The following TBC1D15 variants were observed in gnomAD, a reference collection of about 807,000 sequenced individuals.
TBC1D15 encodes the protein TBC1 domain family member 15, also known as GAP for RAB7.
A neutral mutation model predicts 95.4 loss-of-function variants in TBC1D15; 39 were observed. The ratio of observed to expected loss-of-function variants is 0.41; its 90% CI spans 0.32 to 0.53. The LOEUF is 0.53. Among genes scored for constraint, TBC1D15 ranks in the 20% least tolerant of loss-of-function variants. The pLI, the probability that TBC1D15 is intolerant of heterozygous loss-of-function variation, is 0.29. For synonymous variants in TBC1D15, 258 were observed against 261.3 expected (o/e 0.99, Z 0.12); for missense variants, 733 against 794.3 (o/e 0.92, Z 0.93).
At chr12:71,911,150 T>C (rs1456613812) in intron 11 of TBC1D15, among the ~76,000 whole-genome samples, 1 of 152,042 alleles carries the variant, frequency 6.6e-6, no homozygotes, top group Non-Finnish European at 1.5e-5. Context: ...TGTGGAGAAA[T>C]AGGAACACTT....
chr12:71,840,928 G>A (rs1314371741), intron 1 of TBC1D15, among the ~76,000 whole-genome samples: 2 of 152,100 alleles, frequency 1.3e-5, no homozygotes, highest in Non-Finnish European at 2.9e-5. Context: ...TGGAGGAGAT[G>A]CCAATCATTA....
At chr12:71,905,608 G>A (rs1566053106) in intron 10 of TBC1D15, among the ~76,000 whole-genome samples, 1 of 152,146 alleles carries the variant, frequency 6.6e-6, no homozygotes, top group African/African-American at 2.4e-5. Flanking sequence ...TTATAGGCAT[G>A]AGCCACTGTA....
chr12:71,846,598 C>T (rs1886320386), intron 1 of TBC1D15, among the ~76,000 whole-genome samples: 1 of 152,060 alleles, frequency 6.6e-6, no homozygotes, highest in South Asian at 2.1e-4. Context: ...CACCTGATTC[C>T]CAGCTAAGTG....
At chr12:71,840,230 G>GTGAA (rs1343965133) in intron 1 of TBC1D15, among the ~76,000 whole-genome samples, 2 of 152,266 alleles carry the variant, frequency 1.3e-5, no homozygotes, top group African/African-American at 4.8e-5. Flanking sequence ...CTACAGTTTG[G>GTGAA]TGAAGATGTT....
At chr12:71,913,580 C>T (rs1431535915) in intron 11 of TBC1D15, 6 of 366,224 alleles carry the variant, frequency 1.6e-5, no homozygotes, top group East Asian at 1.6e-4. Flanking sequence ...TGTATCTGCA[C>T]TGAGACACGT....
intron 1 of TBC1D15, among the ~76,000 whole-genome samples, chr12:71,868,205 G>A (rs1891885619): frequency 6.6e-6 from 1 of 150,980 alleles, no homozygotes; most frequent in African/African-American, 2.4e-5. Context: ...CTGAAGAGTT[G>A]AGGAACACAG....
At chr12:71,892,977 A>T (rs79229446) in intron 5 of TBC1D15, among the ~76,000 whole-genome samples, 1 of 151,666 alleles carries the variant, frequency 6.6e-6, no homozygotes, top group Non-Finnish European at 1.5e-5. Flanking sequence ...AATACACTTT[A>T]TATTTGTTTT....
intron 16 of TBC1D15, among the ~76,000 whole-genome samples, chr12:71,922,042 T>A (rs1289728844): frequency 6.6e-6 from 1 of 152,120 alleles, no homozygotes; most frequent in Non-Finnish European, 1.5e-5. Context: ...GTTTCCTGAG[T>A]AGCTGGGATT....
At chr12:71,870,246 CCCTTCTCCT>C (rs1592729477) in intron 1 of TBC1D15, among the ~76,000 whole-genome samples, 1 of 152,218 alleles carries the variant, frequency 6.6e-6, no homozygotes, top group East Asian at 1.9e-4. Context: ...TTTCCTCCTC[CCCTTCTCCT>C]CCTTCTCCTT....
At chr12:71,891,469 A>G (rs1171988494) in intron 5 of TBC1D15, among the ~76,000 whole-genome samples, 1 of 152,178 alleles carries the variant, frequency 6.6e-6, no homozygotes, top group Non-Finnish European at 1.5e-5. Flanking sequence ...ATATTTATAG[A>G]TTAAATCAGT....
At chr12:71,877,272 A>G (rs1310215517) in intron 3 of TBC1D15, among the ~76,000 whole-genome samples, 1 of 114,906 alleles carries the variant, frequency 8.7e-6, no homozygotes, top group African/African-American at 3.5e-5. Flanking sequence ...TTCTAGTTTT[A>G]TGTTCTGGTT....
chr12:71,899,084 C>T (rs1474013278), intron 10 of TBC1D15, among the ~76,000 whole-genome samples: 2 of 152,034 alleles, frequency 1.3e-5, no homozygotes, highest in Non-Finnish European at 2.9e-5. Flanking sequence ...ATAAAATATT[C>T]GAACTGGAAG....
At chr12:71,845,761 TG>T (rs1221635599) in intron 1 of TBC1D15, among the ~76,000 whole-genome samples, 25 of 152,330 alleles carry the variant, frequency 1.6e-4, no homozygotes, top group African/African-American at 6.0e-4. Context: ...GAATGCATGT[TG>T]TGTATGATAG....
chr12:71,917,629 A>T, intron 12 of TBC1D15, 69 bp from the exon 13 acceptor site: 1 of 1,027,328 alleles, frequency 9.7e-7, no homozygotes, highest in Non-Finnish European at 1.4e-6. Context: ...ATCATGTTTT[A>T]GTTATCAGTC....
intron 11 of TBC1D15, among the ~76,000 whole-genome samples, chr12:71,912,106 T>G (rs1242689855): frequency 6.6e-6 from 1 of 152,200 alleles, no homozygotes; most frequent in East Asian, 1.9e-4. Context: ...TCCTTCATGC[T>G]TTAATTGGTT....
At chr12:71,873,627 C>T (rs1893153564) in intron 3 of TBC1D15, among the ~76,000 whole-genome samples, 1 of 152,164 alleles carries the variant, frequency 6.6e-6, no homozygotes. Flanking sequence ...GTGTGTTTAA[C>T]ATTTGGGGGA....
rs755828115 is a variant in TBC1D15 at position 71,917,812 on chromosome 12, T to A, written c.1501+15T>A. On this transcript the variant is annotated intron_variant, in intron 13 of 16. Coordinates refer to ENST00000485960, the MANE Select transcript of TBC1D15 (RefSeq NM_001146213.3). ...CAGTTACTTAGGTAAGTTTAGTGAA[T>A]CAGAACTATACCCAGCAAATTGTAG... 6.5e-7 allele frequency: 1 copy of A among 1,528,304 alleles called. No homozygotes were observed. The highest frequency in any genetic ancestry group is 9.1e-7 in the Non-Finnish European group (1 of 1,102,994). 94.7% of individuals were successfully genotyped at this position (1,528,304 alleles called of 1,614,324 possible).
chr12:71,914,570 A>G lies in TBC1D15; in HGVS notation c.1401+644A>G, dbSNP rs115409762. Among the ~76,000 whole-genome samples the G allele has an allele frequency of 2.6e-3, 397 of 152,092 alleles. 5 individuals are homozygous for G. The highest frequency in any genetic ancestry group is 9.0e-3 in the African/African-American group (372 of 41,538). On this transcript the variant is annotated intron_variant, in intron 12 of 16. Transcript: ENST00000485960. ...AATAAAAGAAAAGTCTCTTCAAGCA[A>G]TCTCAGAAAAATAAAAGCAGAAGGG...
rs138944533 is a variant in TBC1D15 at position 71,912,117 on chromosome 12, T to C, written c.1301-1709T>C. On this transcript the variant is annotated intron_variant, in intron 11 of 16. Transcript: ENST00000485960. Reference sequence around the variant, plus strand: ...GATTTCCTTCATGCTTTAATTGGTTTAGCCTTTATTTTTTGTCATTGATTT... The same window carrying C: ...GATTTCCTTCATGCTTTAATTGGTTCAGCCTTTATTTTTTGTCATTGATTT... Among the ~76,000 whole-genome samples, 34 of 152,328 alleles carry C rather than the reference T, an allele frequency of 2.2e-4. No individual in the cohort carries two copies. The East Asian group carries it at 6.2e-3, about 28-fold the overall frequency.
Sources: allele counts gnomAD v4.1 joint callset (sites outside exome capture counted in the v4.1 genomes callset), GRCh38; gene constraint gnomAD v4.1.1; transcripts MANE v1.5; gene names NCBI Gene and HGNC (gene_info 2026-07-23, HGNC 2026-07-21).